LOC400499: variants seen among roughly 807,000 people sequenced by gnomAD.
chr16:11,496,358 C>T, the LOC400499 span, among the ~76,000 whole-genome samples: 5 of 152,308 alleles, frequency 3.3e-5, no homozygotes, highest in African/African-American at 7.2e-5. Flanking sequence ...TGAGCCACCA[C>T]GCCCGAGCTG....
the LOC400499 span, among the ~76,000 whole-genome samples, chr16:11,406,706 A>G: frequency 1.3e-5 from 2 of 152,190 alleles, no homozygotes; most frequent in Admixed American, 6.5e-5. Flanking sequence ...TGCTGGGATT[A>G]CAGGCGCGAG....
the LOC400499 span, among the ~76,000 whole-genome samples, chr16:11,515,031 C>T: frequency 5.3e-5 from 8 of 152,112 alleles, no homozygotes; most frequent in South Asian, 8.3e-4. Flanking sequence ...GAGGGGCGGG[C>T]GTGGTGGCTC....
chr16:11,411,771 C>G, the LOC400499 span, among the ~76,000 whole-genome samples: 2 of 152,128 alleles, frequency 1.3e-5, no homozygotes, highest in African/African-American at 2.4e-5. Context: ...CCCTGACTCC[C>G]TCCCAGGGAT....
the LOC400499 span, chr16:11,467,273 A>T: frequency 3.2e-5 from 2 of 62,690 alleles, no homozygotes; most frequent in East Asian, 3.7e-4. Flanking sequence ...ATTTTTGAGT[A>T]AAAAAAAAAA....
the LOC400499 span, among the ~76,000 whole-genome samples, chr16:11,505,227 G>A: frequency 2.6e-5 from 4 of 151,432 alleles, no homozygotes; most frequent in South Asian, 8.3e-4. Context: ...TCGATTTCAA[G>A]CTACCAACTT....
At chr16:11,489,490 G>A in the LOC400499 span, among the ~76,000 whole-genome samples, 1 of 105,604 alleles carries the variant, frequency 9.5e-6, no homozygotes, top group African/African-American at 6.2e-5. Context: ...GAGCCTCAGG[G>A]GACTGAATCC....
chr16:11,487,464 C>G, the LOC400499 span: 2 of 398,068 alleles, frequency 5.0e-6, no homozygotes, highest in Non-Finnish European at 8.9e-6. Context: ...GGGCCATACC[C>G]TGAGACAGGG....
the LOC400499 span, chr16:11,441,013 C>A: frequency 5.0e-6 from 2 of 399,084 alleles, no homozygotes; most frequent in East Asian, 3.6e-5. Context: ...TGATGCAAAC[C>A]CTTCAAGTGC....
the LOC400499 span, among the ~76,000 whole-genome samples, chr16:11,518,188 G>C: frequency 6.6e-6 from 1 of 152,226 alleles, no homozygotes; most frequent in African/African-American, 2.4e-5. Context: ...CTTTCAGTGA[G>C]GATCTATCTG....
the LOC400499 span, among the ~76,000 whole-genome samples, chr16:11,458,362 G>A: frequency 2.5e-3 from 384 of 152,068 alleles, 3 homozygotes; most frequent in African/African-American, 8.6e-3. Flanking sequence ...AAAATTAGCC[G>A]TGTGTGGTGG....
chr16:11,381,905 C>T, the LOC400499 span, among the ~76,000 whole-genome samples: 1 of 151,616 alleles, frequency 6.6e-6, no homozygotes, highest in Non-Finnish European at 1.5e-5. Flanking sequence ...GGGGATCATG[C>T]CTGCTGACTC....
chr16:11,436,177 T>C, the LOC400499 span, among the ~76,000 whole-genome samples: 1 of 152,132 alleles, frequency 6.6e-6, no homozygotes, highest in Non-Finnish European at 1.5e-5. Context: ...GGGTCACATA[T>C]GCCACCTGAG....
At chr16:11,468,179 TC>T in the LOC400499 span, among the ~76,000 whole-genome samples, 28 of 152,232 alleles carry the variant, frequency 1.8e-4, 1 homozygote, top group East Asian at 5.4e-3. Context: ...GAGAACAAAT[TC>T]CTATAGTTGA....
the LOC400499 span, among the ~76,000 whole-genome samples, chr16:11,524,145 C>T: frequency 3.0e-5 from 1 of 33,104 alleles, no homozygotes. Flanking sequence ...CCCACCCCCC[C>T]ATCCGTCCAT....
At chr16:11,458,967 G>A in the LOC400499 span, among the ~76,000 whole-genome samples, 9 of 151,746 alleles carry the variant, frequency 5.9e-5, no homozygotes, top group East Asian at 1.8e-3. Context: ...AACCCAGGAG[G>A]CGGAGGTTGC....
chr16:11,481,174 T>C, the LOC400499 span, among the ~76,000 whole-genome samples: 2 of 152,114 alleles, frequency 1.3e-5, no homozygotes, highest in African/African-American at 2.4e-5. Context: ...AGGAAGCAAA[T>C]TGGTGGCTGT....
At chr16:11,433,077 T>A in the LOC400499 span, among the ~76,000 whole-genome samples, 49,440 of 152,076 alleles carry the variant, frequency 0.33, 8,545 homozygotes, top group Admixed American at 0.48. Flanking sequence ...TGGAGCACAA[T>A]CATGCCCATT....
At chr16:11,382,169 C>G in the LOC400499 span, among the ~76,000 whole-genome samples, 7 of 151,862 alleles carry the variant, frequency 4.6e-5, no homozygotes, top group African/African-American at 1.7e-4. Context: ...AACTCCTGAC[C>G]TCAGGTGATC....
the LOC400499 span, among the ~76,000 whole-genome samples, chr16:11,431,744 C>A: frequency 0.013 from 2,039 of 152,252 alleles, 50 homozygotes; most frequent in African/African-American, 0.047. Context: ...AGGTACTCAA[C>A]CAGGTGTGAA....
Sources: gnomAD v4.1 joint callset for allele counts (sites outside exome capture counted in the v4.1 genomes callset) on GRCh38, gnomAD v4.1.1 for gene constraint, MANE v1.5 for transcripts.